Variants in AP3B1 observed in about 807,000 individuals in gnomAD.
AP3B1 encodes AP-3 complex subunit beta-1.
A neutral mutation model predicts 132.5 loss-of-function variants in AP3B1; 61 were observed. The ratio of observed to expected loss-of-function variants is 0.46; its 90% CI spans 0.37 to 0.57. The LOEUF is 0.57. Among genes scored for constraint, AP3B1 ranks in the 20% least tolerant of loss-of-function variants. The pLI is 0.00. For missense variants in AP3B1, 1,120 were observed against 1,289.4 expected, an observed-to-expected ratio of 0.87 and a Z score of 2.01; for synonymous variants, 388 against 438.3, an observed-to-expected ratio of 0.89 and a Z score of 1.43.
At chr5:78,194,489 T>C (rs1358884463) in intron 7 of AP3B1, among the ~76,000 whole-genome samples, 1 of 152,204 alleles carries the variant, frequency 6.6e-6, no homozygotes, top group Non-Finnish European at 1.5e-5. Flanking sequence ...TCAGTTTTTC[T>C]ATACAACCAT....
At chr5:78,000,592 A>C (rs1746177903), downstream of AP3B1, 1 of 151,794 alleles carries the variant, frequency 6.6e-6, no homozygotes, top group Admixed American at 6.6e-5. Flanking sequence ...TAGAATAAAA[A>C]AACTCTCATA....
chr5:78,191,775 G>GT (rs1271291498), intron 7 of AP3B1, among the ~76,000 whole-genome samples: 2 of 152,134 alleles, frequency 1.3e-5, no homozygotes, highest in African/African-American at 4.8e-5. Context: ...TAAGTGAAGG[G>GT]TATCAAGAAG....
chr5:78,193,770 A>ATATTTTTTTTTTTTTTT lies in AP3B1; in HGVS notation c.787-12109_787-12108insAAAAAAAAAAAAAAATA. On this transcript the variant is annotated intron_variant, in intron 7 of 26. Transcript: ENST00000255194. ...TATATATATATATATATATATATAT[A>ATATTTTTTTTTTTTTTT]TTTTTTTTTTAGACAGAGTCTCGCT... Among the ~76,000 whole-genome samples the ATATTTTTTTTTTTTTTT allele has an allele frequency of 6.0e-5, 4 of 67,216 alleles. No individual in the cohort carries two copies. In the South Asian group the frequency reaches 1.6e-3, roughly 28 times the overall value. The allele number at this position is 67,216 out of a possible 152,430, so 44.1% of individuals were successfully genotyped here. A position where few individuals can be genotyped will look rare whatever the true frequency, so the allele number is the denominator to read the frequency against.
chr5:78,186,856 A>T lies in AP3B1; in HGVS notation c.787-5194T>A, dbSNP rs552389027. ...CAATCTTTCCTTAAATCTTGACATA[A>T]ATATCACTGGAAAACACCTTTCATC... On this transcript the variant is annotated intron_variant, in intron 7 of 26. Coordinates refer to ENST00000255194, the MANE Select transcript of AP3B1 (RefSeq NM_003664.5). Among the ~76,000 whole-genome samples, 49 of 152,280 alleles carry T rather than the reference A, an allele frequency of 3.2e-4. 1 individual carries two copies. In the South Asian group the frequency reaches 5.6e-3, roughly 17 times the overall value.
intron 1 of AP3B1, among the ~76,000 whole-genome samples, chr5:78,280,965 T>C (rs1749024289): frequency 6.7e-6 from 1 of 148,844 alleles, no homozygotes. Flanking sequence ...TTTAATGTTA[T>C]GTGTTTTTTA....
At chr5:78,067,894 A>C (rs899490966) in intron 22 of AP3B1, among the ~76,000 whole-genome samples, 1 of 152,120 alleles carries the variant, frequency 6.6e-6, no homozygotes, top group African/African-American at 2.4e-5. Context: ...CTAGCAGAAG[A>C]CAAGAAATAA....
At chr5:78,156,411 A>G in intron 13 of AP3B1, 44 bp from the exon 14 acceptor site, 1 of 1,323,486 alleles carries the variant, frequency 7.6e-7, no homozygotes, top group Non-Finnish European at 1.1e-6. Context: ...GTATAATTCA[A>G]TTCAAATGCA....
rs886060768 is a variant in AP3B1 at position 78,002,455 on chromosome 5, G to A, written c.*447C>T. The A allele has an allele frequency of 2.7e-5, 11 of 414,424 alleles. No homozygotes were observed. In the East Asian group the frequency reaches 3.8e-4, roughly 14 times the overall value. The allele number at this position is 414,424 out of a possible 1,614,324, so 25.7% of individuals were successfully genotyped here. On this transcript the variant is annotated 3_prime_UTR_variant, in exon 27 of 27. Coordinates refer to ENST00000255194, the MANE Select transcript of AP3B1 (RefSeq NM_003664.5). ...TTGCAGAGACTATGCTTTTGTATTT[G>A]GATTTAAAAAGTATGTGATCTCATT...
At chr5:78,202,962 C>T (rs551079046) in intron 7 of AP3B1, among the ~76,000 whole-genome samples, 46 of 152,256 alleles carry the variant, frequency 3.0e-4, no homozygotes, top group African/African-American at 9.4e-4. Flanking sequence ...AGGCATGTAC[C>T]GATTTCTCCA....
intron 7 of AP3B1, among the ~76,000 whole-genome samples, chr5:78,208,322 T>C (rs1206829533): frequency 6.6e-6 from 1 of 152,182 alleles, no homozygotes; most frequent in Non-Finnish European, 1.5e-5. Context: ...TTCAGCTATA[T>C]ATAACAGAAA....
chr5:78,172,861 G>A (rs560847142), intron 11 of AP3B1, among the ~76,000 whole-genome samples: 15 of 152,216 alleles, frequency 9.9e-5, no homozygotes, highest in East Asian at 1.9e-4. Context: ...TTAGGGTGTC[G>A]ATTTTAGATC....
chr5:78,209,828 T>C, intron 7 of AP3B1, among the ~76,000 whole-genome samples: 1 of 152,214 alleles, frequency 6.6e-6, no homozygotes, highest in South Asian at 2.1e-4. Flanking sequence ...TCATTTTCTT[T>C]CTTTTAAACC....
chr5:78,184,514 G>A (rs1447181507), intron 7 of AP3B1, among the ~76,000 whole-genome samples: 2 of 151,518 alleles, frequency 1.3e-5, no homozygotes, highest in African/African-American at 2.4e-5. Flanking sequence ...GTGAAACCCC[G>A]CCTCTACTAA....
intron 22 of AP3B1, among the ~76,000 whole-genome samples, chr5:78,081,094 G>A (rs1453593953): frequency 2.6e-5 from 4 of 152,096 alleles, no homozygotes; most frequent in Non-Finnish European, 5.9e-5. Context: ...GGCCAGACTT[G>A]GGAGCATTAT....
intron 21 of AP3B1, among the ~76,000 whole-genome samples, chr5:78,094,025 T>C (rs544483488): frequency 2.0e-5 from 3 of 152,330 alleles, no homozygotes; most frequent in Non-Finnish European, 2.9e-5. Context: ...TAAGGCTTAT[T>C]TGAAGTATGA....
intron 2 of AP3B1, among the ~76,000 whole-genome samples, chr5:78,252,882 C>T (rs1190000930): frequency 6.6e-6 from 1 of 152,232 alleles, no homozygotes; most frequent in Non-Finnish European, 1.5e-5. Context: ...CTTGAGCAAA[C>T]ATGGCAATAG....
chr5:78,137,854 A>T (rs1324108171), intron 15 of AP3B1, among the ~76,000 whole-genome samples: 2 of 152,212 alleles, frequency 1.3e-5, no homozygotes, highest in African/African-American at 4.8e-5. Context: ...CAATATGCTA[A>T]ATCTTATAAA....
At chr5:78,038,945 C>A (rs1215128696) in intron 23 of AP3B1, 98 bp downstream of exon 23, 2 of 746,216 alleles carry the variant, frequency 2.7e-6, no homozygotes, top group Non-Finnish European at 4.4e-6. Flanking sequence ...TCATATTCTA[C>A]TTTACTATTT....
chr5:78,120,029 C>T (rs1408080692), intron 17 of AP3B1, among the ~76,000 whole-genome samples: 1 of 152,102 alleles, frequency 6.6e-6, no homozygotes, highest in Non-Finnish European at 1.5e-5. Flanking sequence ...GAGTGGGGGC[C>T]AATATTCCAC....
Sources: gnomAD v4.1 joint callset for allele counts (sites outside exome capture counted in the v4.1 genomes callset) on GRCh38, gnomAD v4.1.1 for gene constraint, MANE v1.5 for transcripts, NCBI Gene and HGNC (gene_info 2026-07-23, HGNC 2026-07-21) for gene names.